The following CAMSAP3 variants were observed in gnomAD, a reference collection of about 807,000 sequenced individuals.
CAMSAP3 encodes calmodulin regulated spectrin associated protein family member 3, also known as calmodulin-regulated spectrin-associated protein 3.
CAMSAP3 carries 34 observed loss-of-function variants against 112.5 expected under a neutral mutation model. The ratio of observed to expected loss-of-function variants is 0.30; its 90% CI spans 0.23 to 0.40. CAMSAP3 has a LOEUF of 0.40. Ranked by LOEUF, CAMSAP3 falls within the 10% of genes least tolerant of loss-of-function variation. The pLI, the probability that CAMSAP3 is intolerant of heterozygous loss-of-function variation, is 1.00. For missense variants in CAMSAP3, 1,602 were observed against 1,770.3 expected (o/e 0.90, Z 1.71); for synonymous variants, 868 against 799.8 (o/e 1.09, Z -1.44).
chr19:7,611,180 G>T lies in CAMSAP3; in HGVS notation c.1123+12G>T, dbSNP rs1418231247. 12 of 1,612,966 alleles carry T rather than the reference G, an allele frequency of 7.4e-6. No homozygotes were observed. Among genetic ancestry groups the T allele is most frequent in the Admixed American group, 3.3e-5 (2 of 59,996 alleles). Reference sequence around the variant, plus strand: ...CCGAGGATCCACAGGTGAGGAGGGGGTAGGTGGCTTCTGTCACGGGGGACC... The same window carrying T: ...CCGAGGATCCACAGGTGAGGAGGGGTTAGGTGGCTTCTGTCACGGGGGACC... On this transcript the variant is annotated intron_variant, in intron 9 of 16. Transcript: ENST00000160298. The surrounding 1 kb of genome is among the most constrained non-coding windows in gnomAD (Gnocchi z 6.9).
chr19:7,608,335 T>G, intron 5 of CAMSAP3, 71 bp downstream of exon 5: 2 of 1,538,068 alleles, frequency 1.3e-6, no homozygotes, highest in South Asian at 2.4e-5. Flanking sequence ...CCCTAGACCC[T>G]CCATCCCCAG....
At chr19:7,604,226 C>A (rs1219772424) in intron 1 of CAMSAP3, among the ~76,000 whole-genome samples, 2 of 152,094 alleles carry the variant, frequency 1.3e-5, no homozygotes, top group African/African-American at 4.8e-5. Flanking sequence ...CCCTGCCAAG[C>A]CTTCCTGGCC....
rs1044517885 is a variant in CAMSAP3 at position 7,610,135 on chromosome 19, G to A, written c.761-341G>A. ...AGATCGAGACCATCCTGGCTAACACGGTGAAACCCCATCTCTACTAAAACC... is the reference window on the plus strand; with the variant it reads ...AGATCGAGACCATCCTGGCTAACACAGTGAAACCCCATCTCTACTAAAACC... On this transcript the variant is annotated intron_variant, in intron 5 of 16. Transcript: ENST00000160298. This position sits in a 1 kb window ranked among gnomAD's most constrained non-coding sequence, Gnocchi z 4.9. Among the ~76,000 whole-genome samples, 1 of 151,928 alleles carries A rather than the reference G, an allele frequency of 6.6e-6. No homozygotes were observed. The highest frequency in any genetic ancestry group is 1.5e-5 in the Non-Finnish European group (1 of 67,990).
Position 7,618,052 on chromosome 19 carries a change from A to G in CAMSAP3, c.3745A>G (p.Lys1249Glu). 6.2e-7 allele frequency: 1 copy of G among 1,611,218 alleles called. No individual in the cohort carries two copies. Among genetic ancestry groups the G allele is most frequent in the Non-Finnish European group, 8.5e-7 (1 of 1,178,738 alleles). The part of the protein sequence containing the change: ...TTPKKGGGTP[K>E] ...TCCCAAGAAGGGCGGCGGCACCCCCAAATAGCCCCACCCGGGCGGTCCACG... is the reference window on the plus strand; with the variant it reads ...TCCCAAGAAGGGCGGCGGCACCCCCGAATAGCCCCACCCGGGCGGTCCACG... Residue 1249 changes from lysine (K) to glutamate (E), a missense_variant, in exon 17 of 17, where the codon AAA (lysine) becomes GAA (glutamate). Lys to Glu is a moderately conservative substitution (Grantham distance 56, BLOSUM62 1). Around this residue, in one of 6 missense-constraint regions of CAMSAP3, gnomAD observed 150 missense variants for 207.6 expected, o/e 0.72. Transcript: ENST00000160298.
intron 1 of CAMSAP3, among the ~76,000 whole-genome samples, chr19:7,599,219 A>G (rs2029862818): frequency 6.6e-6 from 1 of 151,326 alleles, no homozygotes; most frequent in Non-Finnish European, 1.5e-5. Context: ...CCACTCATCC[A>G]TCCATCCACC....
Position 7,612,636 on chromosome 19 carries a change from C to A in CAMSAP3, c.2143C>A (p.Arg715=). Reference sequence around the variant, plus strand: ...GAGTGCCGCCTTGAGCTCGCTGCAGCGGGACATGCAGAGGCTCACGGACCA... The same window carrying A: ...GAGTGCCGCCTTGAGCTCGCTGCAGAGGGACATGCAGAGGCTCACGGACCA... ...KLSAALSSLQ[R]DMQRLTDQQQ... is the part of the protein sequence containing the mutation. Residue 715 remains arginine, a synonymous_variant, in exon 11 of 17, where the codon CGG becomes AGG. Transcript: ENST00000160298. The A allele has an allele frequency of 6.6e-7, 1 of 1,521,108 alleles. No homozygotes were observed. Among genetic ancestry groups the A allele is most frequent in the Non-Finnish European group, 8.8e-7 (1 of 1,136,248 alleles). 94.2% of individuals were successfully genotyped at this position (1,521,108 alleles called of 1,614,324 possible).
Position 7,611,495 on chromosome 19 carries a change from G to T in CAMSAP3, c.1124-22G>T. The T allele has an allele frequency of 6.3e-7, 1 of 1,592,964 alleles. No individual in the cohort carries two copies. Among genetic ancestry groups the T allele is most frequent in the Non-Finnish European group, 8.6e-7 (1 of 1,169,154 alleles). On this transcript the variant is annotated intron_variant, in intron 9 of 16. Coordinates refer to ENST00000160298, the MANE Select transcript of CAMSAP3 (RefSeq NM_020902.2). This position sits in a 1 kb window ranked among gnomAD's most constrained non-coding sequence, Gnocchi z 6.9. ...TCAGGGTTCCCAGGGTCCCCATAGT[G>T]ACCACTCATCGCCTCCCCCAGGCTC...
intron 1 of CAMSAP3, among the ~76,000 whole-genome samples, chr19:7,604,562 C>T (rs1040096670): frequency 2.0e-5 from 3 of 152,142 alleles, no homozygotes; most frequent in Non-Finnish European, 4.4e-5. Flanking sequence ...CCTTCAATCA[C>T]CAGGTTTACA....
chr19:7,596,029 C>G lies in CAMSAP3; in HGVS notation c.27C>G (p.Pro9=), dbSNP rs1365332285. 1.6e-6 allele frequency: 2 copies of G among 1,213,950 alleles called. No homozygotes were observed. The highest frequency in any genetic ancestry group is 1.6e-5 in the African/African-American group (1 of 61,004). The allele number at this position is 1,213,950 out of a possible 1,614,324, so 75.2% of individuals were successfully genotyped here. MVEAAPPG[P]GPLRRTFLVP... is the part of the protein sequence containing the mutation. ...TGGTGGAGGCGGCGCCCCCCGGGCC[C>G]GGGCCGCTGCGGAGGACCTTTCTAG... Residue 9 remains proline, a synonymous_variant, in exon 1 of 17, where the codon CCC becomes CCG. Transcript: ENST00000160298.
chr19:7,598,513 T>TC (rs2029861574), intron 1 of CAMSAP3, among the ~76,000 whole-genome samples: 1 of 152,044 alleles, frequency 6.6e-6, no homozygotes, highest in South Asian at 2.1e-4. Flanking sequence ...TTCTGGCAAC[T>TC]CCAAGGCACA....
In CAMSAP3 at chr19:7,617,850, G is replaced by A; in HGVS notation, c.3543G>A (p.Glu1181=). 2 of 1,613,878 alleles carry A rather than the reference G, an allele frequency of 1.2e-6. No homozygotes were observed. The highest frequency in any genetic ancestry group is 1.7e-6 in the Non-Finnish European group (2 of 1,180,030). The part of the protein sequence containing the change: ...ALYTLSGETE[E]LSRLAGYGPR... Reference sequence around the variant, plus strand: ...ACACGCTGTCGGGGGAGACAGAGGAGCTGTCGCGGCTGGCAGGGTATGGGC... The same window carrying A: ...ACACGCTGTCGGGGGAGACAGAGGAACTGTCGCGGCTGGCAGGGTATGGGC... The change falls in exon 17 of 17, where the codon GAG becomes GAA. Residue 1181 remains glutamate (E), a synonymous_variant. Coordinates refer to ENST00000160298, the MANE Select transcript of CAMSAP3 (RefSeq NM_020902.2). This position sits in a 1 kb window ranked among gnomAD's most constrained non-coding sequence, Gnocchi z 7.5.
rs1344325742 is a variant in CAMSAP3, at chr19:7,618,051, C to T, written c.3744C>T (p.Pro1248=). 1.4e-5 allele frequency: 22 copies of T among 1,611,190 alleles called. No individual in the cohort carries two copies. Among genetic ancestry groups the T allele is most frequent in the Non-Finnish European group, 1.9e-5 (22 of 1,178,836 alleles). The change falls in exon 17 of 17, where the codon CCC becomes CCT. Residue 1248 remains proline, a synonymous_variant. Coordinates refer to ENST00000160298, the MANE Select transcript of CAMSAP3 (RefSeq NM_020902.2). Reference sequence around the variant, plus strand: ...CTCCCAAGAAGGGCGGCGGCACCCCCAAATAGCCCCACCCGGGCGGTCCAC... The same window carrying T: ...CTCCCAAGAAGGGCGGCGGCACCCCTAAATAGCCCCACCCGGGCGGTCCAC... The part of the protein sequence containing the change: ...PTTPKKGGGT[P]K
chr19:7,616,933 CCTT>C (rs1375705138), intron 14 of CAMSAP3, among the ~76,000 whole-genome samples: 31 of 80,314 alleles, frequency 3.9e-4, no homozygotes, highest in East Asian at 3.6e-4. Flanking sequence ...GTGTGGCCCG[CCTT>C]TTTTTTTTTT....
chr19:7,610,683 C>T lies in CAMSAP3; in HGVS notation c.901-17C>T, dbSNP rs369394599. ...GGGCCAGGGGTCCCGTCTGCTGACC[C>T]GGCCTCCCACCTCCAGGTCAACTTG... On this transcript the variant is annotated splice_polypyrimidine_tract_variant and intron_variant, in intron 6 of 16. Transcript: ENST00000160298. This position sits in a 1 kb window ranked among gnomAD's most constrained non-coding sequence, Gnocchi z 4.9. 24 of 1,613,776 alleles carry T rather than the reference C, an allele frequency of 1.5e-5. No individual in the cohort carries two copies. Among genetic ancestry groups the T allele is most frequent in the South Asian group, 1.2e-4 (11 of 91,092 alleles).
chr19:7,603,915 G>C (rs1198419976), intron 1 of CAMSAP3, among the ~76,000 whole-genome samples: 1 of 152,098 alleles, frequency 6.6e-6, no homozygotes, highest in African/African-American at 2.4e-5. Flanking sequence ...TGAGCAGATC[G>C]CTTGAGGTCA....
At chr19:7,598,882 A>G (rs1644757) in intron 1 of CAMSAP3, among the ~76,000 whole-genome samples, 74,176 of 151,954 alleles carry the variant, frequency 0.49, 18,314 homozygotes, top group South Asian at 0.64. Context: ...AGGGAAACTC[A>G]AGTTCATGTT....
chr19:7,610,759 C>A lies in CAMSAP3; in HGVS notation c.960C>A (p.Asp320Glu). 6.2e-7 allele frequency: 1 copy of A among 1,613,968 alleles called. No homozygotes were observed. The highest frequency in any genetic ancestry group is 8.5e-7 in the Non-Finnish European group (1 of 1,180,004). ...LFMCFEVLKPDFVQVKDLPDG... is the reference protein window; with the variant it reads ...LFMCFEVLKPEFVQVKDLPDG... ...TGTGTTTTGAGGTGCTCAAGCCCGA[C>A]TTTGTGCAAGTGAAGGACTTGCCCG... The change falls in exon 7 of 17, where the codon GAC becomes GAA. Residue 320 changes from aspartate to glutamate, a missense_variant. By Grantham distance (45) the Asp-to-Glu change is conservative. Transcript: ENST00000160298. This position sits in a 1 kb window ranked among gnomAD's most constrained non-coding sequence, Gnocchi z 4.9.
In CAMSAP3 at chr19:7,616,520, C is replaced by T; in HGVS notation, c.3113-3C>T. On this transcript the variant is annotated splice_polypyrimidine_tract_variant and splice_region_variant and intron_variant, in intron 13 of 16. Coordinates refer to ENST00000160298, the MANE Select transcript of CAMSAP3 (RefSeq NM_020902.2). Reference sequence around the variant, plus strand: ...GGCACTGACCTGCAATCTCTGTCCCCAGGCTCTCGGCTGAGCAAAATCTAT... The same window carrying T: ...GGCACTGACCTGCAATCTCTGTCCCTAGGCTCTCGGCTGAGCAAAATCTAT... 1 of 1,611,068 alleles carries T rather than the reference C, an allele frequency of 6.2e-7. No individual in the cohort carries two copies. Among genetic ancestry groups the T allele is most frequent in the East Asian group, 2.2e-5 (1 of 44,834 alleles).
At position 7,596,017 on chromosome 19, in the gene CAMSAP3, GC is replaced by G; in HGVS notation, c.21del (p.Pro11ArgfsTer7). 45 of 1,153,418 alleles carry G rather than the reference GC, an allele frequency of 3.9e-5. No homozygotes were observed. The highest frequency in any genetic ancestry group is 2.6e-4 in the South Asian group (13 of 49,764). The allele number at this position is 1,153,418 out of a possible 1,614,324, so 71.4% of individuals were successfully genotyped here. On this transcript the variant is annotated frameshift_variant, in exon 1 of 17. Transcript: ENST00000160298. LOFTEE classifies it high-confidence loss of function. MVEAA[P>X]PGPGPLRRTF... ...CCGGCGCCGCCATGGTGGAGGCGGC[GC>G]CCCCCGGGCCCGGGCCGCTGCGGAG... is the stretch of plus-strand genomic sequence containing the variant.
Sources: gnomAD v4.1 joint callset for allele counts (sites outside exome capture counted in the v4.1 genomes callset) on GRCh38, gnomAD v4.1.1 for gene constraint, gnomAD v4.1.1 regional missense constraint, Gnocchi (gnomAD v3.1) non-coding constraint, MANE v1.5 for transcripts, NCBI Gene and HGNC (gene_info 2026-07-23, HGNC 2026-07-21) for gene names.